The following FAM219A variants were observed in gnomAD, a reference collection of about 807,000 sequenced individuals.
FAM219A encodes the protein protein FAM219A.
Under a neutral mutation model 23.4 loss-of-function variants are expected in FAM219A, and 7 were observed. The ratio of observed to expected loss-of-function variants is 0.30; its 90% CI spans 0.17 to 0.56. The LOEUF is 0.56. Among genes scored for constraint, FAM219A ranks in the 20% least tolerant of loss-of-function variants. The pLI, the probability that FAM219A is intolerant of heterozygous loss-of-function variation, is 0.92. For missense variants in FAM219A, 166 were observed against 246.9 expected, an observed-to-expected ratio of 0.67 and a Z score of 2.20; for synonymous variants, 93 against 99.0, an observed-to-expected ratio of 0.94 and a Z score of 0.36.
intron 3 of FAM219A, 33 bp downstream of exon 3, chr9:34,402,672 G>A (rs1388570444): frequency 6.2e-7 from 1 of 1,608,830 alleles, no homozygotes; most frequent in Admixed American, 1.7e-5. Context: ...GTCCTGGCTG[G>A]CAGGGTCCAG....
At chr9:34,406,335 G>C in intron 1 of FAM219A, 1 of 985,348 alleles carries the variant, frequency 1.0e-6, no homozygotes. Flanking sequence ...TGCTTGGCAA[G>C]GTCTTCCTAG....
intron 1 of FAM219A, among the ~76,000 whole-genome samples, chr9:34,454,242 C>T (rs1823656876): frequency 6.6e-6 from 1 of 152,204 alleles, no homozygotes; most frequent in Non-Finnish European, 1.5e-5. Flanking sequence ...TTGATACCAT[C>T]CTGGCCAACA....
intron 1 of FAM219A, among the ~76,000 whole-genome samples, chr9:34,422,531 A>G (rs1453592849): frequency 6.6e-6 from 1 of 152,178 alleles, no homozygotes; most frequent in Non-Finnish European, 1.5e-5. Context: ...GCTGGTACCT[A>G]GTTCAATCAT....
At chr9:34,410,907 T>C (rs554492947) in intron 1 of FAM219A, among the ~76,000 whole-genome samples, 34 of 152,306 alleles carry the variant, frequency 2.2e-4, no homozygotes, top group Non-Finnish European at 4.9e-4. Flanking sequence ...AGGGTTCTTG[T>C]GAGGATGAAA....
rs1255821855 is a variant in FAM219A, at chr9:34,398,516, C to T, written c.*2448G>A. 3 of 752,434 alleles carry T rather than the reference C, an allele frequency of 4.0e-6. No homozygotes were observed. The highest frequency in any genetic ancestry group is 5.2e-5 in the Admixed American group (2 of 38,136). The allele number at this position is 752,434 out of a possible 1,614,324, so 46.6% of individuals were successfully genotyped here. A position where few individuals can be genotyped will look rare whatever the true frequency, so the allele number is the denominator to read the frequency against. ...AGAAGCTGCCACTGCCAGCTTCCTG[C>T]CTCTCTCTGCCACACATGCACTGCC... is the stretch of plus-strand genomic sequence containing the variant. On this transcript the variant is annotated 3_prime_UTR_variant, in exon 6 of 6. Coordinates refer to ENST00000651358, the MANE Select transcript of FAM219A (RefSeq NM_001184940.2).
intron 1 of FAM219A, among the ~76,000 whole-genome samples, chr9:34,421,037 A>AGAGAGAGAGAGAGAGG (rs1371163688): frequency 1.3e-5 from 2 of 149,916 alleles, no homozygotes; most frequent in Non-Finnish European, 3.0e-5. Context: ...AGAGAGAGAG[A>AGAGAGAGAGAGAGAGG]GAGAGAGAAT....
At chr9:34,402,206 T>G (rs1398606691) in intron 4 of FAM219A, 181 bp downstream of exon 4, 1 of 1,548,592 alleles carries the variant, frequency 6.5e-7, no homozygotes, top group Non-Finnish European at 8.7e-7. Flanking sequence ...CTCTGCCACC[T>G]CTCTTCAACC....
intron 1 of FAM219A, among the ~76,000 whole-genome samples, chr9:34,434,062 T>A (rs977280077): frequency 1.3e-5 from 2 of 151,318 alleles, no homozygotes; most frequent in Admixed American, 1.3e-4. Flanking sequence ...ATTAGCTGGG[T>A]GTGGTGGCGG....
Position 34,417,001 on chromosome 9 carries a change from T to A in FAM219A, c.61-11037A>T. Among the ~76,000 whole-genome samples the A allele has an allele frequency of 6.7e-6, 1 of 149,678 alleles. No individual in the cohort carries two copies. The highest frequency in any genetic ancestry group is 1.5e-5 in the Non-Finnish European group (1 of 67,862). ...TGTCACTGCACCTAGCTTTATCTTCTCCTTCTTCCTTCTTCCTTCTTCCCT... is the reference window on the plus strand; with the variant it reads ...TGTCACTGCACCTAGCTTTATCTTCACCTTCTTCCTTCTTCCTTCTTCCCT... On this transcript the variant is annotated intron_variant, in intron 1 of 5. Coordinates refer to ENST00000651358, the MANE Select transcript of FAM219A (RefSeq NM_001184940.2). This position sits in a 1 kb window ranked among gnomAD's most constrained non-coding sequence, Gnocchi z 4.1.
chr9:34,441,489 C>T (rs1265044330), intron 1 of FAM219A, among the ~76,000 whole-genome samples: 1 of 152,098 alleles, frequency 6.6e-6, no homozygotes, highest in African/African-American at 2.4e-5. Context: ...GAAGACACTC[C>T]AGGGCTATCT....
Position 34,401,157 on chromosome 9 carries a change from G to T in FAM219A, c.400-35C>A, listed in dbSNP as rs372495024. The T allele has an allele frequency of 1.4e-5, 22 of 1,604,718 alleles. No homozygotes were observed. The South Asian group carries it at 1.9e-4, about 14-fold the overall frequency. On this transcript the variant is annotated intron_variant, in intron 5 of 5. Transcript: ENST00000651358. ...AAGGGGAGGGAGGTCAGGCCCGAGC[G>T]GCAGGGAGGCACCACCCACAGCTCT...
At chr9:34,435,879 C>G (rs896939718) in intron 1 of FAM219A, among the ~76,000 whole-genome samples, 2 of 151,948 alleles carry the variant, frequency 1.3e-5, no homozygotes, top group Admixed American at 6.6e-5. Context: ...GATCTCGGCT[C>G]ACTGCAACCC....
intron 1 of FAM219A, among the ~76,000 whole-genome samples, chr9:34,452,986 A>G (rs1279222170): frequency 6.6e-6 from 1 of 152,180 alleles, no homozygotes; most frequent in Non-Finnish European, 1.5e-5. Flanking sequence ...CATCTAGCAG[A>G]GAATAGGTTC....
At chr9:34,402,624 G>A in intron 3 of FAM219A, 81 bp downstream of exon 3, 3 of 1,562,654 alleles carry the variant, frequency 1.9e-6, no homozygotes, top group Non-Finnish European at 8.8e-7. Context: ...GCCTGAGGAG[G>A]GAGGGAAGAG....
intron 1 of FAM219A, among the ~76,000 whole-genome samples, chr9:34,411,494 A>G (rs113483315): frequency 0.13 from 19,733 of 151,646 alleles, 1,589 homozygotes; most frequent in Non-Finnish European, 0.18. Context: ...TCGAGACCAC[A>G]GTGAAACCCC....
At chr9:34,405,398 C>T (rs1821597539) in intron 2 of FAM219A, among the ~76,000 whole-genome samples, 1 of 152,174 alleles carries the variant, frequency 6.6e-6, no homozygotes, top group South Asian at 2.1e-4. Flanking sequence ...GGAAAACTCC[C>T]CCAGATAGGT....
chr9:34,410,161 C>G (rs1406643946), intron 1 of FAM219A, among the ~76,000 whole-genome samples: 1 of 152,294 alleles, frequency 6.6e-6, no homozygotes, highest in East Asian at 1.9e-4. Context: ...GGAGGCTGCT[C>G]CATTCCTGCA....
intron 1 of FAM219A, among the ~76,000 whole-genome samples, chr9:34,432,675 T>C (rs557750288): frequency 6.6e-6 from 1 of 152,300 alleles, no homozygotes; most frequent in East Asian, 1.9e-4. Flanking sequence ...TCTCTAGCTC[T>C]GACCTCTCTC....
At chr9:34,426,719 G>A (rs2131974197) in intron 1 of FAM219A, among the ~76,000 whole-genome samples, 2 of 152,368 alleles carry the variant, frequency 1.3e-5, no homozygotes, top group East Asian at 1.9e-4. Flanking sequence ...AATGGCTTCT[G>A]TCATGTATTA....
Sources: gnomAD v4.1 joint callset for allele counts (sites outside exome capture counted in the v4.1 genomes callset) on GRCh38, gnomAD v4.1.1 for gene constraint, Gnocchi (gnomAD v3.1) non-coding constraint, MANE v1.5 for transcripts, NCBI Gene and HGNC (gene_info 2026-07-23, HGNC 2026-07-21) for gene names.